Variants in RIMBP2 observed in about 807,000 individuals in gnomAD.
RIMBP2 encodes the protein RIMS-binding protein 2.
Under a neutral mutation model 118.6 loss-of-function variants are expected in RIMBP2, and 48 were observed. The ratio of observed to expected loss-of-function variants is 0.40; its 90% CI spans 0.32 to 0.51. The LOEUF is 0.51. Among genes scored for constraint, RIMBP2 ranks in the 20% least tolerant of loss-of-function variants. The pLI is 0.41. For synonymous variants in RIMBP2, 762 were observed against 742.9 expected, an observed-to-expected ratio of 1.03 and a Z score of -0.42; for missense variants, 1,551 against 1,768.3, an observed-to-expected ratio of 0.88 and a Z score of 2.20.
At chr12:130,673,750 G>A (rs1164391975) in intron 1 of RIMBP2, among the ~76,000 whole-genome samples, 1 of 152,144 alleles carries the variant, frequency 6.6e-6, no homozygotes, top group Admixed American at 6.5e-5. Context: ...GATCATGGGG[G>A]TGGATTTCCC....
In RIMBP2 at chr12:130,654,628, T is replaced by G. The variant is rs563223340; in HGVS notation, c.-351-26172A>C. Among the ~76,000 whole-genome samples, 8 of 152,394 alleles carry G rather than the reference T, an allele frequency of 5.2e-5. No individual in the cohort carries two copies. The South Asian group carries it at 1.7e-3, about 32-fold the overall frequency. On this transcript the variant is annotated intron_variant, in intron 1 of 22. Transcript: ENST00000690449. ...AAAGCTGCTTCCACACTTTCAGGTA[T>G]CTTTATAGCAATGCCCCACTCCTCT...
chr12:130,462,268 C>T (rs1316429655), intron 6 of RIMBP2, among the ~76,000 whole-genome samples: 1 of 152,196 alleles, frequency 6.6e-6, no homozygotes, highest in African/African-American at 2.4e-5. Flanking sequence ...CTCTGCATGC[C>T]TACATCCACC....
rs757058702 is a variant in RIMBP2, at chr12:130,442,041, G to A, written c.1311C>T (p.His437=). Reference sequence around the variant, plus strand: ...ACTCCTCCTCGTTGAGGAAGATGACGTGGCTGTAGTTGCTGTTGGTGGGTA... The same window carrying A: ...ACTCCTCCTCGTTGAGGAAGATGACATGGCTGTAGTTGCTGTTGGTGGGTA... ...SWLPTNSNYS[H]VIFLNEEEFD... Residue 437 remains histidine, a synonymous_variant, in exon 11 of 23, where the codon CAC becomes CAT. Coordinates refer to ENST00000690449, the MANE Select transcript of RIMBP2 (RefSeq NM_001393629.1). The surrounding 1 kb of genome is among the most constrained non-coding windows in gnomAD (Gnocchi z 6.9). 1.3e-5 allele frequency: 21 copies of A among 1,614,058 alleles called. No homozygotes were observed. The highest frequency in any genetic ancestry group is 1.1e-4 in the African/African-American group (8 of 74,930).
chr12:130,482,633 C>A (rs2082108521), intron 4 of RIMBP2, among the ~76,000 whole-genome samples: 1 of 152,264 alleles, frequency 6.6e-6, no homozygotes. Flanking sequence ...TGCCAGGCAC[C>A]CTGCTGGCTT....
Position 130,679,538 on chromosome 12 carries a change from G to C in RIMBP2, c.-352+36684C>G, listed in dbSNP as rs570245471. 1.2e-4 allele frequency among the ~76,000 whole-genome samples: 18 copies of C among 152,348 alleles called. No individual in the cohort carries two copies. In the East Asian group the frequency reaches 3.3e-3, roughly 28 times the overall value. On this transcript the variant is annotated intron_variant, in intron 1 of 22. Coordinates refer to ENST00000690449, the MANE Select transcript of RIMBP2 (RefSeq NM_001393629.1). The stretch of plus-strand genomic sequence containing the variant: ...ACTGGGGAGGTGATGGACGGGGCAT[G>C]AGAGCTCCCAAGGTCCTGAGGTGTC...
intron 3 of RIMBP2, among the ~76,000 whole-genome samples, chr12:130,508,326 C>T (rs1295660050): frequency 2.6e-5 from 4 of 151,806 alleles, no homozygotes; most frequent in Non-Finnish European, 1.5e-5. Flanking sequence ...GTGGTTTCCA[C>T]AGAAATTAGA....
rs1176937228 is a variant in RIMBP2 at position 130,620,964 on chromosome 12, T to C, written c.-217+7358A>G. Among the ~76,000 whole-genome samples the C allele has an allele frequency of 6.6e-6, 1 of 152,146 alleles. No homozygotes were observed. The highest frequency in any genetic ancestry group is 1.5e-5 in the Non-Finnish European group (1 of 68,034). ...CCGGGCCTGGGGCACCTGTGAGCCA[T>C]CCTTGGCATGGTTACATTAGCCATG... On this transcript the variant is annotated intron_variant, in intron 2 of 22. Transcript: ENST00000690449. The surrounding 1 kb of genome is among the most constrained non-coding windows in gnomAD (Gnocchi z 5.3).
intron 4 of RIMBP2, among the ~76,000 whole-genome samples, chr12:130,496,911 T>C (rs1157390987): frequency 6.6e-6 from 1 of 152,136 alleles, no homozygotes; most frequent in Admixed American, 6.5e-5. Flanking sequence ...GTGTATACAC[T>C]GGGGGCTTAA....
chr12:130,454,596 G>A lies in RIMBP2; in HGVS notation c.358+1900C>T, dbSNP rs142154437. Among the ~76,000 whole-genome samples, 591 of 152,398 alleles carry A rather than the reference G, an allele frequency of 3.9e-3. 5 individuals carry two copies. Among genetic ancestry groups the A allele is most frequent in the Middle Eastern group, 6.8e-3 (2 of 294 alleles). ...TAAATGAACTGGATTCATTAGGAGG[G>A]TGCGTCTTCCAGACAGTTGTTAAAC... On this transcript the variant is annotated intron_variant, in intron 7 of 22. Coordinates refer to ENST00000690449, the MANE Select transcript of RIMBP2 (RefSeq NM_001393629.1).
intron 5 of RIMBP2, among the ~76,000 whole-genome samples, chr12:130,474,301 T>C (rs1010159512): frequency 1.3e-5 from 2 of 152,228 alleles, no homozygotes; most frequent in African/African-American, 4.8e-5. Flanking sequence ...ATTTACTGAA[T>C]GTTAATGAGA....
chr12:130,453,632 A>G (rs778350274), intron 7 of RIMBP2, among the ~76,000 whole-genome samples: 2 of 152,204 alleles, frequency 1.3e-5, no homozygotes, highest in Non-Finnish European at 1.5e-5. Context: ...AAACCTCAAC[A>G]AGGCCAACTC....
intron 1 of RIMBP2, among the ~76,000 whole-genome samples, chr12:130,681,880 A>G (rs1172326386): frequency 6.6e-6 from 1 of 152,078 alleles, no homozygotes; most frequent in Non-Finnish European, 1.5e-5. Flanking sequence ...CTAAAAATGT[A>G]GGTACAGGGT....
Position 130,406,358 on chromosome 12 carries a change from C to T in RIMBP2, c.3694-115G>A, listed in dbSNP as rs982787908. The T allele has an allele frequency of 6.1e-6, 4 of 660,142 alleles. No individual in the cohort carries two copies. In the African/African-American group the frequency reaches 7.4e-5, roughly 12 times the overall value. 40.9% of individuals were successfully genotyped at this position (660,142 alleles called of 1,614,324 possible). A position where few individuals can be genotyped will look rare whatever the true frequency, so the allele number is the denominator to read the frequency against. On this transcript the variant is annotated intron_variant, in intron 20 of 22. Coordinates refer to ENST00000690449, the MANE Select transcript of RIMBP2 (RefSeq NM_001393629.1). ...TTTGAGAATTTCTGGTATTAATCTA[C>T]TCTTTCAGTCAAATAAAGGTAGAAG...
chr12:130,438,711 A>G (rs2077746895), intron 11 of RIMBP2, among the ~76,000 whole-genome samples, 195 bp from the exon 12 acceptor site: 2 of 152,226 alleles, frequency 1.3e-5, no homozygotes, highest in Non-Finnish European at 2.9e-5. Flanking sequence ...GTCAGGTACC[A>G]GGATGCACAG....
At chr12:130,633,309 G>C (rs1405144936) in intron 1 of RIMBP2, among the ~76,000 whole-genome samples, 1 of 152,192 alleles carries the variant, frequency 6.6e-6, no homozygotes, top group East Asian at 1.9e-4. Context: ...TTCCACTTGA[G>C]ATTTCACAAC....
chr12:130,545,703 G>T (rs1255559939), intron 2 of RIMBP2, among the ~76,000 whole-genome samples: 1 of 152,176 alleles, frequency 6.6e-6, no homozygotes, highest in Admixed American at 6.5e-5. Context: ...CGTCTGGGGA[G>T]GAGAGGGGAG....
intron 2 of RIMBP2, among the ~76,000 whole-genome samples, chr12:130,567,928 T>G (rs1037760618): frequency 6.6e-6 from 1 of 152,158 alleles, no homozygotes; most frequent in African/African-American, 2.4e-5. Flanking sequence ...TGCCTTTCAG[T>G]GCACCTTGGC....
chr12:130,537,916 T>C (rs1028096676), intron 2 of RIMBP2, among the ~76,000 whole-genome samples: 11 of 152,218 alleles, frequency 7.2e-5, no homozygotes, highest in Non-Finnish European at 1.5e-4. Flanking sequence ...CTGCTAATTA[T>C]AAGCACACTT....
At position 130,635,500 on chromosome 12, in the gene RIMBP2, C is replaced by G. The variant is rs546978233; in HGVS notation, c.-351-7044G>C. Among the ~76,000 whole-genome samples the G allele has an allele frequency of 1.9e-4, 29 of 152,274 alleles. No homozygotes were observed. The South Asian group carries it at 4.2e-3, about 22-fold the overall frequency. On this transcript the variant is annotated intron_variant, in intron 1 of 22. Coordinates refer to ENST00000690449, the MANE Select transcript of RIMBP2 (RefSeq NM_001393629.1). Reference sequence around the variant, plus strand: ...AGATCACCTGGGTGCATTGGTGGCACCTGCCCTGTGTCTGCAGCTCTGCTC... The same window carrying G: ...AGATCACCTGGGTGCATTGGTGGCAGCTGCCCTGTGTCTGCAGCTCTGCTC...
Sources: gnomAD v4.1 joint callset for allele counts (sites outside exome capture counted in the v4.1 genomes callset) on GRCh38, gnomAD v4.1.1 for gene constraint, Gnocchi (gnomAD v3.1) non-coding constraint, MANE v1.5 for transcripts, NCBI Gene and HGNC (gene_info 2026-07-23, HGNC 2026-07-21) for gene names.